Variants in NUAK1 observed in about 807,000 individuals in gnomAD.
The protein encoded by NUAK1 is NUAK family kinase 1, also known as NUAK family SNF1-like kinase 1.
NUAK1 carries 26 observed loss-of-function variants against 56.9 expected under a neutral mutation model. The observed-to-expected ratio is 0.46, with a 90% CI of 0.33 to 0.63. The LOEUF is 0.63. Ranked by LOEUF, NUAK1 falls within the 30% of genes least tolerant of loss-of-function variation. The pLI, the probability that NUAK1 is intolerant of heterozygous loss-of-function variation, is 0.02. For missense variants in NUAK1, 727 were observed against 876.1 expected, an observed-to-expected ratio of 0.83 and a Z score of 2.15; for synonymous variants, 337 against 336.0, an observed-to-expected ratio of 1.00 and a Z score of -0.03.
At chr12:106,097,307 T>G (rs1388747136) in intron 2 of NUAK1, among the ~76,000 whole-genome samples, 3 of 152,222 alleles carry the variant, frequency 2.0e-5, no homozygotes, top group Non-Finnish European at 4.4e-5. Context: ...ATTAGGTTCA[T>G]GCAAAACTGA....
At chr12:106,068,557 T>G (rs2032369652) in intron 6 of NUAK1, among the ~76,000 whole-genome samples, 3 of 152,232 alleles carry the variant, frequency 2.0e-5, no homozygotes, top group Admixed American at 2.0e-4. Flanking sequence ...CAACACTCAG[T>G]GAGCTTGCCT....
chr12:106,081,611 TAC>T (rs1057337517), intron 4 of NUAK1, among the ~76,000 whole-genome samples: 2 of 152,228 alleles, frequency 1.3e-5, no homozygotes, highest in African/African-American at 4.8e-5. Flanking sequence ...CCCTTTTGCT[TAC>T]ACAAATGAAG....
rs575607573 is a variant in NUAK1, at chr12:106,066,646, G to T, written c.*156C>A. 15 of 684,636 alleles carry T rather than the reference G, an allele frequency of 2.2e-5. No homozygotes were observed. In the South Asian group the frequency reaches 2.5e-4, roughly 11 times the overall value. 42.4% of individuals were successfully genotyped at this position (684,636 alleles called of 1,614,324 possible). ...AGAAGAGCCCACCTCTCCCTTTTAG[G>T]TGTTGGCTCAAGGCTGCAAACTTGG... On this transcript the variant is annotated 3_prime_UTR_variant, in exon 7 of 7. Transcript: ENST00000261402.
At chr12:106,070,184 A>G (rs181535682) in intron 6 of NUAK1, among the ~76,000 whole-genome samples, 1 of 152,306 alleles carries the variant, frequency 6.6e-6, no homozygotes, top group Admixed American at 6.5e-5. Flanking sequence ...AGCAGCCCCA[A>G]CTGCCATCTG....
chr12:106,113,579 A>T (rs532309895), intron 1 of NUAK1, among the ~76,000 whole-genome samples: 2 of 151,630 alleles, frequency 1.3e-5, no homozygotes, highest in East Asian at 1.9e-4. Flanking sequence ...ATTCTGCTGC[A>T]CTCTGAGGTT....
In NUAK1 at chr12:106,070,805, G is replaced by A. The variant is rs373118845; in HGVS notation, c.801C>T (p.Ser267=). The A allele has an allele frequency of 1.6e-5, 26 of 1,614,038 alleles. No individual in the cohort carries two copies. The highest frequency in any genetic ancestry group is 6.7e-5 in the Admixed American group (4 of 59,998). The change falls in exon 6 of 7, where the codon AGC becomes AGT. Residue 267 remains serine (S), a synonymous_variant. Transcript: ENST00000261402. ...GCTGTGTTGGCTCCCGGTACTCTCC[G>A]CTGCTGATTTGCCGAATGAGGTTTT... The part of the protein sequence containing the change: ...DHKNLIRQIS[S]GEYREPTQPS...
chr12:106,106,647 A>C, intron 1 of NUAK1, 122 bp from the exon 2 acceptor site: 1 of 974,596 alleles, frequency 1.0e-6, no homozygotes, highest in Non-Finnish European at 1.5e-6. Flanking sequence ...AACCAAAACA[A>C]AGCTTGGAAA....
At chr12:106,126,034 CTTAA>C (rs1328430956) in intron 1 of NUAK1, among the ~76,000 whole-genome samples, 1 of 152,114 alleles carries the variant, frequency 6.6e-6, no homozygotes, top group Non-Finnish European at 1.5e-5. Flanking sequence ...TGGCATCTGT[CTTAA>C]TTGATACTGA....
intron 2 of NUAK1, among the ~76,000 whole-genome samples, chr12:106,094,616 T>A (rs1235731853): frequency 6.6e-6 from 1 of 152,224 alleles, no homozygotes; most frequent in East Asian, 1.9e-4. Flanking sequence ...AGTTCCTGGT[T>A]TGCACAACAA....
intron 2 of NUAK1, among the ~76,000 whole-genome samples, chr12:106,091,585 C>T (rs535742816): frequency 1.1e-4 from 16 of 152,230 alleles, no homozygotes; most frequent in African/African-American, 2.2e-4. Flanking sequence ...AGAAAGAAGA[C>T]GGCGATGAAT....
Position 106,067,492 on chromosome 12 carries a change from C to T in NUAK1, c.1296G>A (p.Glu432=), listed in dbSNP as rs2032356084. The T allele has an allele frequency of 3.1e-6, 5 of 1,614,208 alleles. No individual in the cohort carries two copies. The highest frequency in any genetic ancestry group is 3.4e-6 in the Non-Finnish European group (4 of 1,180,042). Residue 432 remains glutamate, a synonymous_variant, in exon 7 of 7, where the codon GAG becomes GAA. Coordinates refer to ENST00000261402, the MANE Select transcript of NUAK1 (RefSeq NM_014840.3). This position sits in a 1 kb window ranked among gnomAD's most constrained non-coding sequence, Gnocchi z 6.0. ...GCACGCCAGTCCTGCACAAGTCCTG[C>T]TCCATCTTGAAAGTAGAGGGTAAGG... ...GPALPSTFKM[E]QDLCRTGVLL... is the part of the protein sequence containing the mutation.
At chr12:106,101,896 G>A (rs1011479615) in intron 2 of NUAK1, among the ~76,000 whole-genome samples, 1 of 152,124 alleles carries the variant, frequency 6.6e-6, no homozygotes, top group African/African-American at 2.4e-5. Flanking sequence ...GGTCCTGCTG[G>A]GCAGGAAAGC....
intron 1 of NUAK1, among the ~76,000 whole-genome samples, chr12:106,116,968 C>T (rs1481565786): frequency 6.6e-6 from 1 of 152,168 alleles, no homozygotes; most frequent in Admixed American, 6.5e-5. Context: ...AAAATCTGTT[C>T]TGGATAAGGC....
Position 106,070,855 on chromosome 12 carries a change from T to C in NUAK1, c.751A>G (p.Met251Val), listed in dbSNP as rs2032399611. 4.3e-6 allele frequency: 7 copies of C among 1,614,070 alleles called. No homozygotes were observed. The highest frequency in any genetic ancestry group is 1.3e-5 in the African/African-American group (1 of 74,922). The change falls in exon 6 of 7, where the codon ATG (methionine) becomes GTG (valine). Residue 251 changes from methionine (M) to valine (V), a missense_variant. Coordinates refer to ENST00000261402, the MANE Select transcript of NUAK1 (RefSeq NM_014840.3). ...VLLYTLVYGT[M>V]PFDGFDHKNL... Reference sequence around the variant, plus strand: ...TTGTGATCGAAACCATCGAAGGGCATTGTTCCATAAACAAGAGTGTAAAGC... The same window carrying C: ...TTGTGATCGAAACCATCGAAGGGCACTGTTCCATAAACAAGAGTGTAAAGC...
intron 1 of NUAK1, among the ~76,000 whole-genome samples, chr12:106,132,587 C>G (rs1290995333): frequency 6.6e-6 from 1 of 152,152 alleles, no homozygotes; most frequent in Non-Finnish European, 1.5e-5. Flanking sequence ...CCTCAAAGCC[C>G]CCTAGGGACT....
At chr12:106,135,174 C>G (rs11112878) in intron 1 of NUAK1, among the ~76,000 whole-genome samples, 5,912 of 152,260 alleles carry the variant, frequency 0.039, 129 homozygotes, top group African/African-American at 0.051. Context: ...CATAGCTTGC[C>G]AAAAGACACA....
intron 6 of NUAK1, 53 bp downstream of exon 6, chr12:106,070,721 T>C: frequency 2.5e-6 from 4 of 1,606,880 alleles, no homozygotes; most frequent in Non-Finnish European, 3.4e-6. Context: ...AAGAGTTGGG[T>C]AAGCAGATCT....
intron 1 of NUAK1, among the ~76,000 whole-genome samples, chr12:106,131,161 GC>G (rs544693616): frequency 1.3e-4 from 20 of 151,688 alleles, no homozygotes; most frequent in African/African-American, 2.2e-4. Context: ...TCCACCCTGA[GC>G]CCCCCCCTTT....
At chr12:106,093,612 T>A (rs2032659349) in intron 2 of NUAK1, among the ~76,000 whole-genome samples, 1 of 152,144 alleles carries the variant, frequency 6.6e-6, no homozygotes, top group Admixed American at 6.5e-5. Context: ...AGTGAGGAGA[T>A]CCTGGGATTT....
Sources: allele counts gnomAD v4.1 joint callset (sites outside exome capture counted in the v4.1 genomes callset), GRCh38; gene constraint gnomAD v4.1.1; non-coding constraint Gnocchi (gnomAD v3.1); transcripts MANE v1.5; gene names NCBI Gene and HGNC (gene_info 2026-07-23, HGNC 2026-07-21).